The following ADGRL2 variants were observed in gnomAD, a reference collection of about 807,000 sequenced individuals.
ADGRL2 encodes calcium-independent alpha-latrotoxin receptor 2.
Under a neutral mutation model 157.4 loss-of-function variants are expected in ADGRL2, and 44 were observed. The ratio of observed to expected loss-of-function variants is 0.28; its 90% CI spans 0.22 to 0.36. The LOEUF is 0.36. ADGRL2 is among the 10% of genes least tolerant of loss of function. The pLI, the probability that ADGRL2 is intolerant of heterozygous loss-of-function variation, is 1.00. For missense variants in ADGRL2, 1,510 were observed against 1,768.9 expected, an observed-to-expected ratio of 0.85 and a Z score of 2.63; for synonymous variants, 585 against 624.7, an observed-to-expected ratio of 0.94 and a Z score of 0.95.
intron 1 of ADGRL2, among the ~76,000 whole-genome samples, chr1:81,330,388 T>G (rs1661190646): frequency 6.6e-6 from 1 of 152,112 alleles, no homozygotes; most frequent in Non-Finnish European, 1.5e-5. Context: ...AGGTCACACA[T>G]TTCTATATCA....
At chr1:81,528,717 C>G (rs567383949) in intron 2 of ADGRL2, among the ~76,000 whole-genome samples, 2 of 149,104 alleles carry the variant, frequency 1.3e-5, no homozygotes, top group Non-Finnish European at 3.0e-5. Context: ...AGTCTGAACA[C>G]CTGGAATATT....
At chr1:81,439,976 C>T (rs530739841) in intron 1 of ADGRL2, among the ~76,000 whole-genome samples, 39 of 152,342 alleles carry the variant, frequency 2.6e-4, no homozygotes, top group Middle Eastern at 6.8e-3. Flanking sequence ...CAGGCTGTCT[C>T]CTCCTCTACC....
chr1:81,502,637 A>C (rs149927211), intron 2 of ADGRL2: 1 of 1,614,088 alleles, frequency 6.2e-7, no homozygotes, highest in East Asian at 2.2e-5. Context: ...ATCCATCACC[A>C]GCGCTGCCTT....
intron 1 of ADGRL2, among the ~76,000 whole-genome samples, chr1:81,832,475 G>T (rs2092013498): frequency 6.6e-6 from 1 of 152,144 alleles, no homozygotes; most frequent in African/African-American, 2.4e-5. Flanking sequence ...TCCTCAGGCA[G>T]TTTTTTTGAA....
intron 3 of ADGRL2, among the ~76,000 whole-genome samples, chr1:81,930,470 C>T (rs369644345): frequency 3.9e-5 from 6 of 152,010 alleles, no homozygotes; most frequent in Non-Finnish European, 7.4e-5. Flanking sequence ...AATATTGAGA[C>T]CTGAGAACAT....
intron 1 of ADGRL2, among the ~76,000 whole-genome samples, chr1:81,720,180 TTTTC>T (rs2084255404): frequency 8.2e-6 from 1 of 122,176 alleles, no homozygotes; most frequent in Non-Finnish European, 1.8e-5. Context: ...CCTTTTTTTC[TTTTC>T]TTTTTTTTTT....
At chr1:81,785,201 A>G (rs1279562596) in intron 2 of ADGRL2, among the ~76,000 whole-genome samples, 1 of 152,186 alleles carries the variant, frequency 6.6e-6, no homozygotes, top group Non-Finnish European at 1.5e-5. Flanking sequence ...AAAGTTGCAT[A>G]GATAATTATT....
chr1:81,419,181 A>G (rs540232568), intron 1 of ADGRL2, among the ~76,000 whole-genome samples: 1 of 152,224 alleles, frequency 6.6e-6, no homozygotes, highest in South Asian at 2.1e-4. Flanking sequence ...CCTTATACAG[A>G]AAGTCTTCTT....
chr1:81,843,094 T>A (rs886411817), intron 2 of ADGRL2, among the ~76,000 whole-genome samples: 1 of 152,178 alleles, frequency 6.6e-6, no homozygotes, highest in African/African-American at 2.4e-5. Flanking sequence ...ACAAATTATG[T>A]AAATTAACAC....
chr1:81,979,932 C>A lies in ADGRL2; in HGVS notation c.3085C>A (p.Pro1029Thr), dbSNP rs558150601. Reference sequence around the variant, plus strand: ...GGTGAAGCATTCAAACACTTTGAAACCAGATTCTAGCAGGTTGGAAAACAT... The same window carrying A: ...GGTGAAGCATTCAAACACTTTGAAAACAGATTCTAGCAGGTTGGAAAACAT... ...KMVKHSNTLK[P>T]DSSRLENIKS... The change falls in exon 18 of 24, where the codon CCA becomes ACA. Residue 1029 changes from proline to threonine, a missense_variant. By Grantham distance (38) the Pro-to-Thr change is conservative. Transcript: ENST00000686636. 1.2e-6 allele frequency: 2 copies of A among 1,604,654 alleles called. No individual in the cohort carries two copies. Among genetic ancestry groups the A allele is most frequent in the East Asian group, 2.2e-5 (1 of 44,658 alleles).
At chr1:81,634,132 A>G (rs1350058005) in intron 3 of ADGRL2, among the ~76,000 whole-genome samples, 1 of 152,196 alleles carries the variant, frequency 6.6e-6, no homozygotes, top group Non-Finnish European at 1.5e-5. Context: ...CAGGAAGCCA[A>G]GGCAAGAGAA....
chr1:81,448,285 A>C (rs980831158), intron 2 of ADGRL2, among the ~76,000 whole-genome samples: 1 of 150,818 alleles, frequency 6.6e-6, no homozygotes, highest in Non-Finnish European at 1.5e-5. Context: ...AACTGGGATT[A>C]CAGGTATACG....
chr1:81,942,877 A>G, intron 5 of ADGRL2, 92 bp from the exon 6 acceptor site: 1 of 925,222 alleles, frequency 1.1e-6, no homozygotes, highest in Non-Finnish European at 1.8e-6. Flanking sequence ...AATAATATGA[A>G]TTTTTCCCTT....
intron 2 of ADGRL2, among the ~76,000 whole-genome samples, chr1:81,554,417 G>T (rs975271310): frequency 2.0e-5 from 3 of 152,014 alleles, no homozygotes; most frequent in Non-Finnish European, 1.5e-5. Flanking sequence ...CTGGGTTCAA[G>T]GCCTTGGCTT....
intron 2 of ADGRL2, among the ~76,000 whole-genome samples, chr1:81,474,455 T>C: frequency 6.6e-6 from 1 of 152,092 alleles, no homozygotes; most frequent in South Asian, 2.1e-4. Context: ...GAAGCAGTAG[T>C]TGGATGGGGA....
chr1:81,453,134 C>G (rs1036316983), intron 2 of ADGRL2, among the ~76,000 whole-genome samples: 3 of 152,106 alleles, frequency 2.0e-5, no homozygotes, highest in African/African-American at 7.2e-5. Context: ...GTGTCTAGCT[C>G]TCTTATTGTT....
intron 2 of ADGRL2, among the ~76,000 whole-genome samples, chr1:81,788,809 A>G (rs1056948626): frequency 1.3e-5 from 2 of 151,824 alleles, no homozygotes; most frequent in Non-Finnish European, 2.9e-5. Context: ...TCTGCCTTTC[A>G]GGTTCAAGTG....
chr1:81,420,340 T>G (rs2077103109), intron 1 of ADGRL2, among the ~76,000 whole-genome samples: 1 of 152,214 alleles, frequency 6.6e-6, no homozygotes, highest in Admixed American at 6.5e-5. Flanking sequence ...TTTTAAGTAG[T>G]TCATCTATTC....
chr1:81,713,198 A>G (rs570339382), intron 1 of ADGRL2, among the ~76,000 whole-genome samples: 2 of 152,338 alleles, frequency 1.3e-5, no homozygotes, highest in South Asian at 4.1e-4. Context: ...GGAGCATCCA[A>G]GAGTCAGAGT....
Sources: gnomAD v4.1 joint callset for allele counts (sites outside exome capture counted in the v4.1 genomes callset) on GRCh38, gnomAD v4.1.1 for gene constraint, MANE v1.5 for transcripts, NCBI Gene and HGNC (gene_info 2026-07-23, HGNC 2026-07-21) for gene names.